Variants in CSTF2 observed in about 807,000 individuals in gnomAD.
The protein encoded by CSTF2 is cleavage stimulation factor subunit 2, also known as CF-1 64 kDa subunit.
A neutral mutation model predicts 45.4 loss-of-function variants in CSTF2; 8 were observed. The ratio of observed to expected loss-of-function variants is 0.18; its 90% CI spans 0.10 to 0.32. The LOEUF is 0.32. CSTF2 is among the 10% of genes least tolerant of loss of function. CSTF2 has a pLI of 1.00. For synonymous variants in CSTF2, 155 were observed against 158.9 expected (o/e 0.98, Z 0.18); for missense variants, 253 against 477.1 (o/e 0.53, Z 4.38).
At position 100,826,689 on chromosome X, in the gene CSTF2, G is replaced by T. The variant is rs780449815; in HGVS notation, c.758G>T (p.Gly253Val). The T allele has an allele frequency of 5.0e-5, 60 of 1,208,410 alleles. 1 individual carries two copies. In the South Asian group the frequency reaches 1.1e-3, roughly 21 times the overall value. ...CTGATGCAAGCTTCTATGCAGGGTG[G>T]AGTTCCAGCACCAGGGCAAATGCCA... The part of the protein sequence containing the change: ...PPLMQASMQG[G>V]VPAPGQMPAA... Residue 253 changes from glycine (G) to valine (V), a missense_variant, in exon 7 of 14, where the codon GGA becomes GTA. Around this residue, in one of 3 missense-constraint regions of CSTF2, gnomAD observed 200 missense variants for 294.0 expected, o/e 0.68. Transcript: ENST00000372972.
chrX:100,824,037 T>C (rs749675146), intron 5 of CSTF2, 32 bp downstream of exon 5: 13 of 1,208,694 alleles, frequency 1.1e-5, no homozygotes, highest in Non-Finnish European at 1.5e-5. Flanking sequence ...ATGGAAATGG[T>C]CGGGTAAACC....
At chrX:100,822,549 C>A in intron 3 of CSTF2, 129 bp downstream of exon 3, 1 of 610,104 alleles carries the variant, frequency 1.6e-6, no homozygotes, top group Non-Finnish European at 2.6e-6. Flanking sequence ...ACTTGACTGA[C>A]CTGATGTGCC....
intron 6 of CSTF2, among the ~76,000 whole-genome samples, 177 bp downstream of exon 6, chrX:100,824,434 T>G (rs764581689): frequency 1.8e-5 from 2 of 112,376 alleles, no homozygotes; most frequent in Non-Finnish European, 3.8e-5. Context: ...TAGATTCGAT[T>G]CCAAGTTTGT....
intron 4 of CSTF2, 69 bp from the exon 5 acceptor site, chrX:100,823,817 G>A: frequency 9.2e-7 from 1 of 1,083,701 alleles, no homozygotes; most frequent in Non-Finnish European, 1.3e-6. Context: ...TTCTCAGAGG[G>A]GAATGGCTCT....
intron 8 of CSTF2, among the ~76,000 whole-genome samples, chrX:100,829,388 G>A (rs2084961635): frequency 9.0e-6 from 1 of 110,808 alleles, no homozygotes; most frequent in Non-Finnish European, 1.9e-5. Flanking sequence ...CTACTTGGGA[G>A]GCCGAAGTGG....
chrX:100,839,897 GTTTAA>G (rs1402423744), intron 13 of CSTF2, among the ~76,000 whole-genome samples: 4 of 111,946 alleles, frequency 3.6e-5, no homozygotes, highest in Non-Finnish European at 7.5e-5. Context: ...CTTATAGGAT[GTTTAA>G]TTTAAGGCCT....
At chrX:100,836,249 C>G (rs1486447529) in intron 11 of CSTF2, among the ~76,000 whole-genome samples, 1 of 111,657 alleles carries the variant, frequency 9.0e-6, no homozygotes, top group Non-Finnish European at 1.9e-5. Flanking sequence ...TTGATATTTC[C>G]TTTCTTGAAC....
intron 6 of CSTF2, among the ~76,000 whole-genome samples, chrX:100,826,422 G>A (rs1017869724): frequency 9.2e-6 from 1 of 108,918 alleles, no homozygotes; most frequent in South Asian, 4.0e-4. Flanking sequence ...CATCTTAACC[G>A]TGTTCCATAT....
chrX:100,837,296 AT>A lies in CSTF2; in HGVS notation c.1501-41del, dbSNP rs760983695. 3 of 1,028,214 alleles carry A rather than the reference AT, an allele frequency of 2.9e-6. No individual in the cohort carries two copies. In the East Asian group the frequency reaches 9.2e-5, roughly 32 times the overall value. The allele number at this position is 1,028,214 out of a possible 1,213,427, so 84.7% of individuals were successfully genotyped here. ...ATTACTGAATTCAGGTTACCTATAC[AT>A]TAAAAATGCCAAAAATCTCTCTTTT... On this transcript the variant is annotated intron_variant, in intron 11 of 13. Transcript: ENST00000372972.
chrX:100,821,279 T>A (rs990882184), intron 1 of CSTF2, among the ~76,000 whole-genome samples: 6 of 112,409 alleles, frequency 5.3e-5, no homozygotes, highest in African/African-American at 1.9e-4. Flanking sequence ...AGTATTTATT[T>A]GCACCAAAGT....
At chrX:100,839,810 T>C (rs1454767273) in intron 13 of CSTF2, among the ~76,000 whole-genome samples, 5 of 112,037 alleles carry the variant, frequency 4.5e-5, no homozygotes, top group Non-Finnish European at 7.5e-5. Flanking sequence ...TTCCCTACAA[T>C]GTGAGAAAAT....
chrX:100,831,810 A>G (rs1227908921), intron 9 of CSTF2, among the ~76,000 whole-genome samples, 154 bp downstream of exon 9: 3 of 112,703 alleles, frequency 2.7e-5, no homozygotes, highest in Admixed American at 9.3e-5. Flanking sequence ...CACTTCTCCT[A>G]AGGCAGAACT....
chrX:100,826,645 T>C lies in CSTF2; in HGVS notation c.714T>C (p.His238=). 1 of 1,210,523 alleles carries C rather than the reference T, an allele frequency of 8.3e-7. No individual in the cohort carries two copies. Among genetic ancestry groups the C allele is most frequent in the African/African-American group, 1.7e-5 (1 of 57,767 alleles). Residue 238 remains histidine, a synonymous_variant, in exon 7 of 14, where the codon CAT becomes CAC. Coordinates refer to ENST00000372972, the MANE Select transcript of CSTF2 (RefSeq NM_001325.3). ...TTTTGCTTGGTCAGGGTGGAATGCA[T>C]GTCAATGGCGCACCTCCTCTGATGC... ...APQAQSLGGM[H]VNGAPPLMQA...
chrX:100,826,885 C>A (rs1213211648), intron 7 of CSTF2, 128 bp downstream of exon 7: 2 of 606,183 alleles, frequency 3.3e-6, no homozygotes, highest in Non-Finnish European at 2.4e-6. Flanking sequence ...AAGTATATAT[C>A]TTAGGTGGAG....
At chrX:100,838,088 C>A in intron 12 of CSTF2, 151 bp from the exon 13 acceptor site, 1 of 476,717 alleles carries the variant, frequency 2.1e-6, no homozygotes, top group Non-Finnish European at 3.1e-6. Context: ...TGGTTTTTTT[C>A]TGTGTGAAAT....
chrX:100,823,499 C>A, intron 4 of CSTF2, 71 bp downstream of exon 4: 1 of 1,113,865 alleles, frequency 9.0e-7, no homozygotes, highest in East Asian at 3.1e-5. Context: ...TGAATTAGTT[C>A]CCTGAGCTCA....
chrX:100,820,968 T>C (rs1202498100), intron 1 of CSTF2, among the ~76,000 whole-genome samples: 1 of 112,744 alleles, frequency 8.9e-6, no homozygotes, highest in African/African-American at 3.2e-5. Context: ...GAATGAACTA[T>C]TAAGATCTCC....
chrX:100,834,267 C>CCT (rs2084994637), intron 11 of CSTF2, among the ~76,000 whole-genome samples: 1 of 111,263 alleles, frequency 9.0e-6, no homozygotes, highest in African/African-American at 3.3e-5. Context: ...TATGTGTCTT[C>CCT]CTCCCCATGT....
chrX:100,829,861 A>G (rs1033275858), intron 8 of CSTF2, among the ~76,000 whole-genome samples: 3 of 112,575 alleles, frequency 2.7e-5, no homozygotes, highest in Non-Finnish European at 5.6e-5. Flanking sequence ...GCATACTTGC[A>G]CAAGACATCT....
Sources: gnomAD v4.1 joint callset for allele counts (sites outside exome capture counted in the v4.1 genomes callset) on GRCh38, gnomAD v4.1.1 for gene constraint, gnomAD v4.1.1 regional missense constraint, MANE v1.5 for transcripts, NCBI Gene and HGNC (gene_info 2026-07-23, HGNC 2026-07-21) for gene names.